FBXO36: variants seen among roughly 807,000 people sequenced by gnomAD.
FBXO36 encodes the protein F-box only protein 36.
Under a neutral mutation model 17.0 loss-of-function variants are expected in FBXO36, and 18 were observed. The observed-to-expected ratio is 1.06, with a 90% CI of 0.73 to 1.57. The LOEUF (loss-of-function observed/expected upper bound fraction) is 1.57. Among genes scored for constraint, FBXO36 ranks in the 40% most tolerant of loss-of-function variants. FBXO36 has a pLI of 0.00. For missense variants in FBXO36, 229 were observed against 221.9 expected, an observed-to-expected ratio of 1.03 and a Z score of -0.20; for synonymous variants, 83 against 85.3, an observed-to-expected ratio of 0.97 and a Z score of 0.15.
At chr2:230,003,302 G>T (rs927456847) in intron 3 of FBXO36, among the ~76,000 whole-genome samples, 1 of 150,496 alleles carries the variant, frequency 6.6e-6, no homozygotes, top group Non-Finnish European at 1.5e-5. Context: ...TTGACAAAAT[G>T]TGAAAGTCAG....
intron 1 of FBXO36, among the ~76,000 whole-genome samples, chr2:229,960,929 T>C (rs974377949): frequency 2.6e-5 from 4 of 152,056 alleles, no homozygotes; most frequent in Non-Finnish European, 5.9e-5. Context: ...GCCAACATGA[T>C]GAAACCCCAA....
chr2:229,936,673 A>C (rs2076965592), intron 1 of FBXO36, among the ~76,000 whole-genome samples: 1 of 151,970 alleles, frequency 6.6e-6, no homozygotes, highest in South Asian at 2.1e-4. Flanking sequence ...GTTCGAGACT[A>C]ACCTGGGCAA....
chr2:229,926,462 T>C (rs2076912824), intron 1 of FBXO36, among the ~76,000 whole-genome samples: 1 of 151,582 alleles, frequency 6.6e-6, no homozygotes, highest in Non-Finnish European at 1.5e-5. Flanking sequence ...TAAGATTTAC[T>C]TGGCCAGGTG....
At chr2:229,993,782 T>A (rs1035486876) in intron 2 of FBXO36, among the ~76,000 whole-genome samples, 1 of 152,164 alleles carries the variant, frequency 6.6e-6, no homozygotes. Flanking sequence ...TTTATTTATT[T>A]TTGGCAGGGA....
rs199561046 is a variant in FBXO36 at position 229,988,841 on chromosome 2, T to TG, written c.206-7910_206-7909insG. Among the ~76,000 whole-genome samples the TG allele has an allele frequency of 7.6e-3, 1,109 of 145,258 alleles. 25 individuals carry two copies. The East Asian group carries it at 0.083, about 11-fold the overall frequency. ...CCATGCTGGCCTGTTTTTTTTTTTT[T>TG]TTGTTTTTTTTTTTTTACCGCATAG... On this transcript the variant is annotated intron_variant, in intron 2 of 3. Coordinates refer to ENST00000283946, the MANE Select transcript of FBXO36 (RefSeq NM_174899.5).
At chr2:229,936,472 A>C (rs1577328217) in intron 1 of FBXO36, among the ~76,000 whole-genome samples, 1 of 152,192 alleles carries the variant, frequency 6.6e-6, no homozygotes, top group Non-Finnish European at 1.5e-5. Flanking sequence ...ATTTATGCTT[A>C]TCTATTAAAA....
At chr2:230,009,286 G>A (rs1560459335) in intron 3 of FBXO36, among the ~76,000 whole-genome samples, 1 of 152,136 alleles carries the variant, frequency 6.6e-6, no homozygotes, top group Non-Finnish European at 1.5e-5. Flanking sequence ...GGCTGCCCTG[G>A]TGCTCCATTA....
At chr2:229,948,797 G>A (rs527365853) in intron 1 of FBXO36, among the ~76,000 whole-genome samples, 1 of 152,248 alleles carries the variant, frequency 6.6e-6, no homozygotes, top group South Asian at 2.1e-4. Flanking sequence ...GGTTCCCTGG[G>A]TTATGGACTG....
chr2:230,002,143 AT>A (rs575725050), intron 3 of FBXO36, among the ~76,000 whole-genome samples: 6 of 149,310 alleles, frequency 4.0e-5, no homozygotes, highest in Non-Finnish European at 6.0e-5. Context: ...GCCTATTGTT[AT>A]TTTTTTTTTA....
chr2:229,968,027 A>G (rs911276776), intron 1 of FBXO36, among the ~76,000 whole-genome samples: 86 of 152,050 alleles, frequency 5.7e-4, no homozygotes, highest in African/African-American at 2.0e-3. Flanking sequence ...TTGGTTGGTA[A>G]GCTATTAAGT....
chr2:230,005,534 A>AGAAATATATT (rs2077382758), intron 3 of FBXO36, among the ~76,000 whole-genome samples: 7 of 152,222 alleles, frequency 4.6e-5, no homozygotes, highest in Admixed American at 4.6e-4. Context: ...AAATACTCAA[A>AGAAATATATT]GAAATATATT....
intron 1 of FBXO36, chr2:229,943,335 C>G (rs2106165452): frequency 1.3e-5 from 2 of 152,342 alleles, no homozygotes; most frequent in Non-Finnish European, 2.9e-5. Context: ...CTGAAAATGT[C>G]CTAACTGGTC....
At chr2:229,982,452 A>G (rs1007526441) in intron 2 of FBXO36, among the ~76,000 whole-genome samples, 2 of 152,000 alleles carry the variant, frequency 1.3e-5, no homozygotes, top group African/African-American at 4.8e-5. Context: ...TCTTTCCCTT[A>G]TAAGGAACTT....
intron 2 of FBXO36, chr2:229,976,563 G>A (rs948700855): frequency 9.9e-6 from 4 of 402,830 alleles, no homozygotes; most frequent in African/African-American, 2.1e-5. Context: ...GCTCATGCCT[G>A]TAATCCCAAC....
intron 1 of FBXO36, among the ~76,000 whole-genome samples, chr2:229,923,815 G>T (rs1360836218): frequency 2.0e-5 from 3 of 149,356 alleles, no homozygotes; most frequent in African/African-American, 7.3e-5. Flanking sequence ...AATACTGAAA[G>T]GTATCCTTTT....
At chr2:229,940,958 G>A (rs926215623) in intron 1 of FBXO36, among the ~76,000 whole-genome samples, 3 of 152,148 alleles carry the variant, frequency 2.0e-5, no homozygotes, top group African/African-American at 7.2e-5. Flanking sequence ...TGGGAAAATA[G>A]AGTTGCCTGG....
intron 1 of FBXO36, among the ~76,000 whole-genome samples, chr2:229,929,531 A>G (rs1047609710): frequency 6.9e-6 from 1 of 145,224 alleles, no homozygotes; most frequent in African/African-American, 2.6e-5. Flanking sequence ...AGGACACTGC[A>G]CTCCAGCCTG....
At chr2:229,928,984 T>C (rs2106152610) in intron 1 of FBXO36, among the ~76,000 whole-genome samples, 1 of 151,224 alleles carries the variant, frequency 6.6e-6, no homozygotes, top group East Asian at 2.0e-4. Context: ...TTTTTTTTTT[T>C]TCTTTTCTGA....
At chr2:229,922,901 C>T (rs925292992) in intron 1 of FBXO36, among the ~76,000 whole-genome samples, 3 of 152,198 alleles carry the variant, frequency 2.0e-5, no homozygotes, top group African/African-American at 7.2e-5. Flanking sequence ...TTCCTCCGCG[C>T]GAAGAGGAAA....
Sources: allele counts gnomAD v4.1 joint callset (sites outside exome capture counted in the v4.1 genomes callset), GRCh38; gene constraint gnomAD v4.1.1; transcripts MANE v1.5; gene names NCBI Gene and HGNC (gene_info 2026-07-23, HGNC 2026-07-21).